Variants in DACH2 observed in about 807,000 individuals in gnomAD.
DACH2 encodes dachshund homolog 2.
DACH2 carries 17 observed loss-of-function variants against 35.8 expected under a neutral mutation model. The ratio of observed to expected loss-of-function variants is 0.48; its 90% CI spans 0.33 to 0.71. The LOEUF is 0.71. Ranked by LOEUF, DACH2 falls within the 30% of genes least tolerant of loss-of-function variation. The pLI, the probability that DACH2 is intolerant of heterozygous loss-of-function variation, is 0.02. For synonymous variants in DACH2, 195 were observed against 177.3 expected, an observed-to-expected ratio of 1.10 and a Z score of -0.79; for missense variants, 469 against 472.7, an observed-to-expected ratio of 0.99 and a Z score of 0.07.
At chrX:86,345,891 C>A (rs1337093289) in intron 1 of DACH2, among the ~76,000 whole-genome samples, 1 of 111,981 alleles carries the variant, frequency 8.9e-6, no homozygotes, top group Non-Finnish European at 1.9e-5. Flanking sequence ...CTGCTTATTG[C>A]TAGCAATCTA....
chrX:86,155,218 T>C (rs1442248315), intron 1 of DACH2, among the ~76,000 whole-genome samples: 1 of 110,882 alleles, frequency 9.0e-6, no homozygotes, highest in Non-Finnish European at 1.9e-5. Context: ...AGCTGCAATA[T>C]ACTCTTATGA....
intron 2 of DACH2, among the ~76,000 whole-genome samples, chrX:86,402,821 G>A (rs2036458143): frequency 8.9e-6 from 1 of 111,975 alleles, no homozygotes; most frequent in Admixed American, 9.5e-5. Flanking sequence ...GCAATGTATT[G>A]TTACAAAAAC....
intron 7 of DACH2, among the ~76,000 whole-genome samples, chrX:86,793,090 T>G (rs1486455649): frequency 9.0e-6 from 1 of 111,504 alleles, no homozygotes; most frequent in Admixed American, 9.6e-5. Flanking sequence ...CATTGTGGAT[T>G]TAATTTGCAT....
chrX:86,271,641 G>A (rs1313851387), intron 1 of DACH2, among the ~76,000 whole-genome samples: 1 of 111,381 alleles, frequency 9.0e-6, no homozygotes. Context: ...GTTCCAAAAT[G>A]TACATTTTGA....
chrX:86,201,823 A>G (rs937073034), intron 1 of DACH2, among the ~76,000 whole-genome samples: 10 of 110,948 alleles, frequency 9.0e-5, no homozygotes, highest in African/African-American at 3.3e-4. Context: ...TCTTCAGACT[A>G]GAAGTATACT....
chrX:86,415,909 C>A (rs755084129), intron 2 of DACH2, among the ~76,000 whole-genome samples: 12 of 111,258 alleles, frequency 1.1e-4, no homozygotes, highest in Non-Finnish European at 2.3e-4. Context: ...CTCTATAATC[C>A]ACTAGGTTTC....
At chrX:86,254,807 T>G (rs201069439) in intron 1 of DACH2, among the ~76,000 whole-genome samples, 538 of 49,631 alleles carry the variant, frequency 0.011, 25 homozygotes, top group East Asian at 0.045. Context: ...TATATATATA[T>G]AGAGAGAGAG....
chrX:86,277,357 C>T (rs1029196691), intron 1 of DACH2, among the ~76,000 whole-genome samples: 10 of 111,393 alleles, frequency 9.0e-5, no homozygotes, highest in East Asian at 5.6e-4. Flanking sequence ...TTGGTGCAAA[C>T]GTAATTATGG....
intron 2 of DACH2, among the ~76,000 whole-genome samples, chrX:86,405,546 C>G (rs1317355932): frequency 9.0e-6 from 1 of 111,497 alleles, no homozygotes; most frequent in East Asian, 2.8e-4. Context: ...TTCAACAAGT[C>G]TCTAGGACGT....
intron 1 of DACH2, among the ~76,000 whole-genome samples, chrX:86,355,400 G>T (rs1041835855): frequency 1.8e-5 from 2 of 112,182 alleles, no homozygotes; most frequent in African/African-American, 3.2e-5. Flanking sequence ...TGGGTTGAAT[G>T]GCAGTTCTGT....
intron 7 of DACH2, among the ~76,000 whole-genome samples, chrX:86,767,159 C>T (rs2041943114): frequency 9.0e-6 from 1 of 111,643 alleles, no homozygotes; most frequent in African/African-American, 3.3e-5. Flanking sequence ...ATTTAATTGA[C>T]CATAGAATTT....
chrX:86,169,789 T>A, intron 1 of DACH2, among the ~76,000 whole-genome samples: 1 of 111,548 alleles, frequency 9.0e-6, no homozygotes, highest in Middle Eastern at 4.7e-3. Context: ...TCAACACGGC[T>A]ATTTTGAATT....
chrX:86,673,826 G>A (rs2040797992), intron 4 of DACH2, among the ~76,000 whole-genome samples: 1 of 111,147 alleles, frequency 9.0e-6, no homozygotes, highest in African/African-American at 3.3e-5. Context: ...GAGTTATCAA[G>A]AGATCTGGTG....
chrX:86,475,480 TCAGATTGTTCACTGTTGG>T (rs1218097629), intron 2 of DACH2, among the ~76,000 whole-genome samples: 1 of 112,074 alleles, frequency 8.9e-6, no homozygotes, highest in Admixed American at 9.5e-5. Context: ...GATTTATTTT[TCAGATTGTTCACTGTTGG>T]CATATAGAAA....
At chrX:86,421,013 T>A (rs1371003974) in intron 2 of DACH2, among the ~76,000 whole-genome samples, 1 of 111,391 alleles carries the variant, frequency 9.0e-6, no homozygotes, top group Non-Finnish European at 1.9e-5. Flanking sequence ...GGTAGAAGGC[T>A]AATTTTCATC....
intron 2 of DACH2, among the ~76,000 whole-genome samples, chrX:86,392,702 G>T (rs1279788259): frequency 8.9e-6 from 1 of 111,818 alleles, no homozygotes; most frequent in East Asian, 2.8e-4. Flanking sequence ...TGCAGAACAA[G>T]AAAAATAACA....
rs1304803963 is a variant in DACH2 at position 86,474,602 on chromosome X, T to C, written c.528-39677T>C. Among the ~76,000 whole-genome samples, 5 of 112,527 alleles carry C rather than the reference T, an allele frequency of 4.4e-5. No homozygotes were observed. In the East Asian group the frequency reaches 1.4e-3, roughly 31 times the overall value. On this transcript the variant is annotated intron_variant, in intron 2 of 11. Coordinates refer to ENST00000373125, the MANE Select transcript of DACH2 (RefSeq NM_053281.3). ...TGGATATCCAGTTTTTCCAGCACTA[T>C]TATTTGAACTACCTTTTTCCCAGTA...
intron 1 of DACH2, among the ~76,000 whole-genome samples, chrX:86,260,073 A>G (rs1056882754): frequency 3.6e-5 from 4 of 111,336 alleles, no homozygotes; most frequent in African/African-American, 1.3e-4. Context: ...TTTCAAAAAA[A>G]TCTATTCAAG....
intron 3 of DACH2, among the ~76,000 whole-genome samples, chrX:86,631,454 G>A (rs1293684983): frequency 8.9e-6 from 1 of 111,909 alleles, no homozygotes; most frequent in Non-Finnish European, 1.9e-5. Flanking sequence ...ATGACCCAAA[G>A]CAGCTTTGAT....
Sources: allele counts gnomAD v4.1 joint callset (sites outside exome capture counted in the v4.1 genomes callset), GRCh38; gene constraint gnomAD v4.1.1; transcripts MANE v1.5; gene names NCBI Gene and HGNC (gene_info 2026-07-23, HGNC 2026-07-21).